Variants in WRN observed in about 807,000 individuals in gnomAD.
WRN encodes the protein WRN RecQ like helicase, also known as bifunctional 3'-5' exonuclease/ATP-dependent helicase WRN.
In WRN, 149 loss-of-function variants were observed where a neutral mutation model predicts 180.7. That is an observed-to-expected ratio of 0.82 (90% CI 0.72 to 0.94). The LOEUF (loss-of-function observed/expected upper bound fraction) is 0.94. WRN is among the 40% of genes least tolerant of loss of function. WRN has a pLI of 0.00. For synonymous variants in WRN, 548 were observed against 568.9 expected, an observed-to-expected ratio of 0.96 and a Z score of 0.52; for missense variants, 1,661 against 1,700.1, an observed-to-expected ratio of 0.98 and a Z score of 0.40.
chr8:31,174,920 TTTTC>T lies in WRN; in HGVS notation c.*1827_*1830del, dbSNP rs1458223279. Among the ~76,000 whole-genome samples, 1 of 150,394 alleles carries T rather than the reference TTTTC, an allele frequency of 6.6e-6. No individual in the cohort carries two copies. The highest frequency in any genetic ancestry group is 1.5e-5 in the Non-Finnish European group (1 of 67,668). On this transcript the variant is annotated 3_prime_UTR_variant, in exon 35 of 35. Coordinates refer to ENST00000298139, the MANE Select transcript of WRN (RefSeq NM_000553.6). ...TCTCTTTCTTTCTTTTTCTTTCTCTTTTTCTTTCTTTCAAGCAGTCCTCCCGCCT... is the reference window on the plus strand; with the variant it reads ...TCTCTTTCTTTCTTTTTCTTTCTCTTTTTCTTTCAAGCAGTCCTCCCGCCT...
In WRN at chr8:31,173,019, C is replaced by G; in HGVS notation, c.4216C>G (p.Arg1406Gly). ...TETSSAERKR[R>G]LPVWFAKGSD... is the part of the protein sequence containing the mutation. ...GACTTCATCTGCAGAGAGAAAGAGA[C>G]GATTACCTGTGTGGTTTGCCAAAGG... Residue 1406 changes from arginine to glycine, a missense_variant, in exon 35 of 35, where the codon CGA becomes GGA. By Grantham distance (125) the Arg-to-Gly change is moderately radical (BLOSUM62 -2). This residue lies in a region of WRN where 1,141 missense variants were observed against 1,149.4 expected (regional missense o/e 0.99). Coordinates refer to ENST00000298139, the MANE Select transcript of WRN (RefSeq NM_000553.6). 1 of 1,613,830 alleles carries G rather than the reference C, an allele frequency of 6.2e-7. No individual in the cohort carries two copies. The highest frequency in any genetic ancestry group is 8.5e-7 in the Non-Finnish European group (1 of 1,179,916).
At chr8:31,115,836 C>T (rs1455440407) in intron 19 of WRN, among the ~76,000 whole-genome samples, 1 of 152,000 alleles carries the variant, frequency 6.6e-6, no homozygotes, top group Non-Finnish European at 1.5e-5. Context: ...CATTCAGTCT[C>T]AAGATTACTA....
At chr8:31,090,729 C>T in intron 14 of WRN, 105 bp from the exon 15 acceptor site, 1 of 1,086,126 alleles carries the variant, frequency 9.2e-7, no homozygotes, top group South Asian at 1.5e-5. Flanking sequence ...CTAGTATTGA[C>T]CATTCATCTG....
rs554895855 is a variant in WRN at position 31,101,943 on chromosome 8, T to A, written c.2088+988T>A. ...TCACAAGAAGTTGTAAAAAAAAAAA[T>A]ACCTATATAGAGGTCCTATGTACCT... On this transcript the variant is annotated intron_variant, in intron 18 of 34. Transcript: ENST00000298139. Among the ~76,000 whole-genome samples, 3 of 149,260 alleles carry A rather than the reference T, an allele frequency of 2.0e-5. No individual in the cohort carries two copies. The South Asian group carries it at 6.2e-4, about 31-fold the overall frequency.
rs141976954 is a variant in WRN, at chr8:31,130,455, C to T, written c.2826-1910C>T. Among the ~76,000 whole-genome samples, 209 of 152,264 alleles carry T rather than the reference C, an allele frequency of 1.4e-3. 1 individual carries two copies. The highest frequency in any genetic ancestry group is 4.7e-3 in the African/African-American group (195 of 41,568). On this transcript the variant is annotated intron_variant, in intron 23 of 34. Coordinates refer to ENST00000298139, the MANE Select transcript of WRN (RefSeq NM_000553.6). Reference sequence around the variant, plus strand: ...TTTCTTTAATGAGTCCTTTTGTTCTCAACCTACTTAAATAATTCTCATTTG... The same window carrying T: ...TTTCTTTAATGAGTCCTTTTGTTCTTAACCTACTTAAATAATTCTCATTTG...
intron 1 of WRN, among the ~76,000 whole-genome samples, chr8:31,034,672 C>T (rs893799629): frequency 6.6e-5 from 10 of 152,088 alleles, no homozygotes; most frequent in African/African-American, 2.2e-4. Context: ...TTTACTTCAG[C>T]CAAAATGAGG....
chr8:31,167,195 A>C lies in WRN; in HGVS notation c.4156A>C (p.Lys1386Gln). 1 of 1,613,202 alleles carries C rather than the reference A, an allele frequency of 6.2e-7. No homozygotes were observed. Among genetic ancestry groups the C allele is most frequent in the Non-Finnish European group, 8.5e-7 (1 of 1,179,408 alleles). ...PGSEEICSSS[K>Q]RSKEEVGINT... ...TTCTGAAGAGATCTGTTCAAGTTCT[A>C]AGAGAAGCAAGGAAGAAGTAGGCAT... The change falls in exon 34 of 35, where the codon AAG (lysine) becomes CAG (glutamine). Residue 1386 changes from lysine to glutamine, a missense_variant. Physicochemically the swap from Lys to Gln is moderately conservative, Grantham distance 53. Coordinates refer to ENST00000298139, the MANE Select transcript of WRN (RefSeq NM_000553.6).
chr8:31,102,658 A>T (rs2130239753), intron 18 of WRN, among the ~76,000 whole-genome samples: 1 of 152,346 alleles, frequency 6.6e-6, no homozygotes, highest in South Asian at 2.1e-4. Flanking sequence ...ATACCTGTAT[A>T]GGGTGCTTCC....
chr8:31,116,518 A>G lies in WRN; in HGVS notation c.2438A>G (p.Asp813Gly), dbSNP rs1585478562. The G allele has an allele frequency of 6.2e-7, 1 of 1,613,772 alleles. No individual in the cohort carries two copies. Among genetic ancestry groups the G allele is most frequent in the Non-Finnish European group, 8.5e-7 (1 of 1,179,882 alleles). The change falls in exon 20 of 35, where the codon GAT becomes GGT. Residue 813 changes from aspartate to glycine, a missense_variant. By Grantham distance (94) the Asp-to-Gly change is moderately conservative (BLOSUM62 -1). Coordinates refer to ENST00000298139, the MANE Select transcript of WRN (RefSeq NM_000553.6). ...RKDIHHRFVR[D>G]EIQCVIATIA... ...GACATTCATCATAGGTTTGTAAGAG[A>G]TGAAATTCAGGTATGAGGATCAATC...
chr8:31,034,290 A>G (rs1811359485), intron 1 of WRN, among the ~76,000 whole-genome samples: 1 of 152,200 alleles, frequency 6.6e-6, no homozygotes, highest in African/African-American at 2.4e-5. Flanking sequence ...GAGCCACTAC[A>G]GGTCTGCACA....
At position 31,147,303 on chromosome 8, in the gene WRN, AT is replaced by A. The variant is rs571524893; in HGVS notation, c.3460-60del. 80 of 1,550,946 alleles carry A rather than the reference AT, an allele frequency of 5.2e-5. 1 individual carries two copies. In the East Asian group the frequency reaches 1.8e-3, roughly 34 times the overall value. On this transcript the variant is annotated intron_variant, in intron 29 of 34. Coordinates refer to ENST00000298139, the MANE Select transcript of WRN (RefSeq NM_000553.6). Reference sequence around the variant, plus strand: ...AAATGTGGTATCTGAAGCTCTAAAAATAAAGGACTAGATCTTTTAAGTACAC... The same window carrying A: ...AAATGTGGTATCTGAAGCTCTAAAAAAAAGGACTAGATCTTTTAAGTACAC...
At chr8:31,133,133 G>T (rs76679250) in intron 24 of WRN, among the ~76,000 whole-genome samples, 7 of 152,096 alleles carry the variant, frequency 4.6e-5, no homozygotes, top group Non-Finnish European at 8.8e-5. Context: ...AGATAGGACC[G>T]TTGCAGTCCA....
chr8:31,049,324 G>T (rs888471524), intron 1 of WRN, among the ~76,000 whole-genome samples: 2 of 151,012 alleles, frequency 1.3e-5, no homozygotes, highest in African/African-American at 4.9e-5. Flanking sequence ...TTGAGGCCAG[G>T]AGTTCAAGAC....
intron 17 of WRN, among the ~76,000 whole-genome samples, chr8:31,098,064 T>C (rs1046800997): frequency 6.6e-6 from 1 of 152,188 alleles, no homozygotes; most frequent in Admixed American, 6.5e-5. Flanking sequence ...TCTTTTTTAT[T>C]ATGTGTTAAA....
At chr8:31,096,103 T>C (rs925200670) in intron 16 of WRN, among the ~76,000 whole-genome samples, 2 of 152,242 alleles carry the variant, frequency 1.3e-5, no homozygotes, top group African/African-American at 2.4e-5. Context: ...TTTCCTATGT[T>C]AATTAGAATA....
chr8:31,133,078 A>G lies in WRN; in HGVS notation c.2967+572A>G, dbSNP rs189221694. Among the ~76,000 whole-genome samples the G allele has an allele frequency of 2.0e-3, 307 of 152,284 alleles. 3 individuals are homozygous for G. Among genetic ancestry groups the G allele is most frequent in the African/African-American group, 7.0e-3 (292 of 41,562 alleles). On this transcript the variant is annotated intron_variant, in intron 24 of 34. Coordinates refer to ENST00000298139, the MANE Select transcript of WRN (RefSeq NM_000553.6). ...CAGTTACTTTTTTTTGGAGTGATTG[A>G]TGTTCCAGTATTCTTCTAAACAACC...
chr8:31,103,853 G>T (rs1200533329), intron 18 of WRN, among the ~76,000 whole-genome samples: 2 of 151,906 alleles, frequency 1.3e-5, no homozygotes, highest in African/African-American at 4.8e-5. Context: ...TCCTGCCTCA[G>T]CCTCCCGAGT....
At chr8:31,071,894 C>A (rs1279390693) in intron 7 of WRN, among the ~76,000 whole-genome samples, 1 of 152,182 alleles carries the variant, frequency 6.6e-6, no homozygotes, top group Non-Finnish European at 1.5e-5. Context: ...AGGATCATTC[C>A]TGTGTTGTTG....
intron 31 of WRN, among the ~76,000 whole-genome samples, chr8:31,151,380 CTAACTA>C (rs1286175017): frequency 1.3e-5 from 2 of 152,196 alleles, no homozygotes; most frequent in African/African-American, 4.8e-5. Flanking sequence ...AAATCTTTCT[CTAACTA>C]TAAGTAGAAA....
Sources: allele counts gnomAD v4.1 joint callset (sites outside exome capture counted in the v4.1 genomes callset), GRCh38; gene constraint gnomAD v4.1.1; regional missense constraint gnomAD v4.1.1; transcripts MANE v1.5; gene names NCBI Gene and HGNC (gene_info 2026-07-23, HGNC 2026-07-21).